The following ERC1 variants were observed in gnomAD, a reference collection of about 807,000 sequenced individuals.
The protein encoded by ERC1 is ELKS/RAB6-interacting/CAST family member 1.
Under a neutral mutation model 132.0 loss-of-function variants are expected in ERC1, and 56 were observed. The observed-to-expected ratio is 0.42, with a 90% CI of 0.34 to 0.53. The LOEUF (loss-of-function observed/expected upper bound fraction) is 0.53, where lower values mean the gene tolerates loss of function less well. Ranked by LOEUF, ERC1 falls within the 20% of genes least tolerant of loss-of-function variation. ERC1 has a pLI of 0.03. For missense variants in ERC1, 1,202 were observed against 1,349.9 expected (o/e 0.89, Z 1.72); for synonymous variants, 478 against 476.1 (o/e 1.00, Z -0.05).
At chr12:1,432,386 G>A (rs1453889799) in intron 17 of ERC1, among the ~76,000 whole-genome samples, 1 of 152,198 alleles carries the variant, frequency 6.6e-6, no homozygotes, top group Non-Finnish European at 1.5e-5. Context: ...TGCTTATCTG[G>A]TTCTTGTTGT....
intron 18 of ERC1, among the ~76,000 whole-genome samples, chr12:1,484,279 T>C (rs1470633011): frequency 2.6e-5 from 4 of 151,442 alleles, no homozygotes; most frequent in African/African-American, 4.8e-5. Context: ...CACTCCAGCC[T>C]GGTGACAGAG....
At chr12:1,016,878 T>C (rs910001236) in intron 1 of ERC1, among the ~76,000 whole-genome samples, 1 of 152,148 alleles carries the variant, frequency 6.6e-6, no homozygotes, top group Non-Finnish European at 1.5e-5. Context: ...CTCAAACTCC[T>C]GACCTCAAGT....
intron 3 of ERC1, 75 bp downstream of exon 3, chr12:1,083,655 C>CA: frequency 8.4e-7 from 1 of 1,189,204 alleles, no homozygotes; most frequent in Non-Finnish European, 1.2e-6. Flanking sequence ...ATCTTGGCCC[C>CA]AGTGAATCTA....
chr12:1,377,434 A>C (rs1282147993), intron 16 of ERC1, among the ~76,000 whole-genome samples: 1 of 152,206 alleles, frequency 6.6e-6, no homozygotes. Context: ...ACATGCTTTC[A>C]CACTTCCCCA....
At chr12:1,366,848 G>T (rs1374721594) in intron 15 of ERC1, among the ~76,000 whole-genome samples, 1 of 152,148 alleles carries the variant, frequency 6.6e-6, no homozygotes, top group Non-Finnish European at 1.5e-5. Context: ...TTACTAACAT[G>T]TAAAATGTTA....
chr12:1,050,640 T>TA (rs1971783926), intron 2 of ERC1, among the ~76,000 whole-genome samples: 1 of 152,198 alleles, frequency 6.6e-6, no homozygotes, highest in Non-Finnish European at 1.5e-5. Flanking sequence ...TGACTCATTT[T>TA]AAAAAACTGA....
At chr12:1,389,506 A>G (rs2089751908) in intron 16 of ERC1, among the ~76,000 whole-genome samples, 1 of 152,234 alleles carries the variant, frequency 6.6e-6, no homozygotes, top group Non-Finnish European at 1.5e-5. Context: ...CCTGTTGGTA[A>G]TGGATTTCAG....
intron 12 of ERC1, among the ~76,000 whole-genome samples, chr12:1,195,636 C>T (rs1956149268): frequency 6.6e-6 from 1 of 152,094 alleles, no homozygotes. Context: ...GATGTGATAC[C>T]CATAATTGCT....
chr12:1,328,261 C>T (rs1046865509), intron 15 of ERC1, among the ~76,000 whole-genome samples: 1 of 152,226 alleles, frequency 6.6e-6, no homozygotes, highest in East Asian at 1.9e-4. Context: ...ATCCTCCTGC[C>T]TCAGCCTCCC....
intron 15 of ERC1, among the ~76,000 whole-genome samples, chr12:1,326,160 A>G (rs2082430143): frequency 1.3e-5 from 2 of 152,208 alleles, no homozygotes; most frequent in African/African-American, 4.8e-5. Context: ...TTCCAAAAGT[A>G]AGGTAGAAAA....
intron 17 of ERC1, among the ~76,000 whole-genome samples, chr12:1,442,751 A>G (rs1414299249): frequency 1.3e-5 from 2 of 152,232 alleles, no homozygotes; most frequent in Non-Finnish European, 2.9e-5. Flanking sequence ...AGTTTCGGTC[A>G]TATATAATGT....
chr12:1,214,661 T>TAC (rs775294140), intron 12 of ERC1, among the ~76,000 whole-genome samples: 13 of 118,078 alleles, frequency 1.1e-4, no homozygotes, highest in African/African-American at 2.1e-4. Flanking sequence ...CGTGTGTGTA[T>TAC]ACATACACAC....
intron 8 of ERC1, among the ~76,000 whole-genome samples, chr12:1,168,059 C>T (rs148500403): frequency 6.6e-6 from 1 of 152,252 alleles, no homozygotes; most frequent in African/African-American, 2.4e-5. Context: ...AAGAAACTGA[C>T]ATTTGGATTT....
chr12:1,490,013 A>G (rs2094302011), intron 18 of ERC1, 80 bp from the exon 19 acceptor site: 1 of 1,494,792 alleles, frequency 6.7e-7, no homozygotes, highest in Non-Finnish European at 9.2e-7. Flanking sequence ...TGCCTTTGTC[A>G]TTTATTGATG....
intron 15 of ERC1, among the ~76,000 whole-genome samples, chr12:1,331,152 T>C (rs1039753348): frequency 2.0e-5 from 3 of 152,238 alleles, no homozygotes; most frequent in African/African-American, 7.2e-5. Flanking sequence ...GCCCTCTTTG[T>C]GCTTCCCTCC....
chr12:1,459,665 CTA>C (rs1230291450), intron 18 of ERC1, among the ~76,000 whole-genome samples: 2 of 152,230 alleles, frequency 1.3e-5, no homozygotes, highest in African/African-American at 4.8e-5. Flanking sequence ...TAAGAACAGA[CTA>C]TTTGCATAGA....
chr12:1,466,663 G>A (rs1309333854), intron 18 of ERC1, among the ~76,000 whole-genome samples: 1 of 152,186 alleles, frequency 6.6e-6, no homozygotes, highest in East Asian at 1.9e-4. Flanking sequence ...AATCTGTTAT[G>A]TCCAGTAATT....
chr12:1,353,069 C>CACTCAGGCTGGAGTGCAGTGGT lies in ERC1; in HGVS notation c.2781-18763_2781-18742dup, dbSNP rs558904073. Among the ~76,000 whole-genome samples the CACTCAGGCTGGAGTGCAGTGGT allele has an allele frequency of 5.0e-3, 695 of 140,082 alleles. 4 individuals carry two copies. The highest frequency in any genetic ancestry group is 0.018 in the African/African-American group (665 of 37,642). The allele number at this position is 140,082 out of a possible 152,430, so 91.9% of individuals were successfully genotyped here. A position where few individuals can be genotyped will look rare whatever the true frequency, so the allele number is the denominator to read the frequency against. Reference sequence around the variant, plus strand: ...TTTCTGAGATGGAGTCTCGCTTTATCACTCAGGCTGGAGTGCAGTGGTGTG... The same window carrying CACTCAGGCTGGAGTGCAGTGGT: ...TTTCTGAGATGGAGTCTCGCTTTATCACTCAGGCTGGAGTGCAGTGGTACTCAGGCTGGAGTGCAGTGGTGTG... On this transcript the variant is annotated intron_variant, in intron 15 of 18. Transcript: ENST00000360905.
At chr12:1,205,415 A>ATC (rs911736234) in intron 12 of ERC1, among the ~76,000 whole-genome samples, 2 of 96,252 alleles carry the variant, frequency 2.1e-5, no homozygotes, top group Admixed American at 2.0e-4. Context: ...GTGTGTGTGT[A>ATC]TATATATATA....
Sources: allele counts gnomAD v4.1 joint callset (sites outside exome capture counted in the v4.1 genomes callset), GRCh38; gene constraint gnomAD v4.1.1; transcripts MANE v1.5; gene names NCBI Gene and HGNC (gene_info 2026-07-23, HGNC 2026-07-21).